Variants in LSAMP observed in about 807,000 individuals in gnomAD.
LSAMP encodes limbic system-associated membrane protein.
A neutral mutation model predicts 38.6 loss-of-function variants in LSAMP; 7 were observed. The ratio of observed to expected loss-of-function variants is 0.18; its 90% CI spans 0.10 to 0.34. The LOEUF is 0.34. LSAMP is among the 10% of genes least tolerant of loss of function. LSAMP has a pLI of 1.00. For missense variants in LSAMP, 313 were observed against 420.0 expected, an observed-to-expected ratio of 0.75 and a Z score of 2.23; for synonymous variants, 154 against 166.8, an observed-to-expected ratio of 0.92 and a Z score of 0.59.
chr3:116,269,639 T>C (rs986150644), intron 1 of LSAMP, among the ~76,000 whole-genome samples: 2 of 152,210 alleles, frequency 1.3e-5, no homozygotes, highest in African/African-American at 4.8e-5. Context: ...TAATTTATCA[T>C]CCAAACCAGG....
At chr3:115,841,792 T>C in intron 6 of LSAMP, 53 bp downstream of exon 6, 2 of 1,539,786 alleles carry the variant, frequency 1.3e-6, no homozygotes, top group Non-Finnish European at 8.7e-7. Flanking sequence ...ACGTTTTTCA[T>C]GTGAAAAGTC....
intron 1 of LSAMP, among the ~76,000 whole-genome samples, chr3:116,211,007 A>G (rs1486798417): frequency 2.0e-5 from 3 of 152,142 alleles, no homozygotes; most frequent in African/African-American, 7.2e-5. Context: ...ACCTTAAAAA[A>G]AAAAAAACAA....
rs985963496 is a variant in LSAMP at position 116,117,661 on chromosome 3, G to C, written c.156-31105C>G. On this transcript the variant is annotated intron_variant, in intron 1 of 6. Coordinates refer to ENST00000490035, the MANE Select transcript of LSAMP (RefSeq NM_002338.5). ...TTTTATGTTTTTGATAACTTTGATA[G>C]TTTTGAGGAGATGTGGTCAAGTATT... Among the ~76,000 whole-genome samples, 4 of 152,158 alleles carry C rather than the reference G, an allele frequency of 2.6e-5. No homozygotes were observed. In the South Asian group the frequency reaches 8.3e-4, roughly 32 times the overall value.
chr3:116,320,100 T>C (rs2047687689), intron 1 of LSAMP, among the ~76,000 whole-genome samples: 1 of 152,186 alleles, frequency 6.6e-6, no homozygotes, highest in Non-Finnish European at 1.5e-5. Flanking sequence ...GCATTTTCAA[T>C]GTTGCAGCCT....
At chr3:115,838,888 A>G (rs796492698) in intron 6 of LSAMP, among the ~76,000 whole-genome samples, 5 of 152,314 alleles carry the variant, frequency 3.3e-5, no homozygotes, top group African/African-American at 1.2e-4. Context: ...TGACACACCA[A>G]TGAAGATGAA....
chr3:116,424,926 A>G (rs2049174890), intron 1 of LSAMP, among the ~76,000 whole-genome samples: 1 of 151,762 alleles, frequency 6.6e-6, no homozygotes, highest in Non-Finnish European at 1.5e-5. Context: ...AGCTTTATTG[A>G]TAGGAAAGGA....
At chr3:116,092,545 TA>T (rs1432752029) in intron 1 of LSAMP, among the ~76,000 whole-genome samples, 2 of 152,168 alleles carry the variant, frequency 1.3e-5, no homozygotes, top group Non-Finnish European at 2.9e-5. Context: ...TTAGGAAAGG[TA>T]AGCACACAAA....
At chr3:115,819,662 A>G (rs1176402111) in intron 6 of LSAMP, among the ~76,000 whole-genome samples, 1 of 152,230 alleles carries the variant, frequency 6.6e-6, no homozygotes, top group Non-Finnish European at 1.5e-5. Context: ...TGTGAAGCTA[A>G]TATCAGAAAA....
chr3:115,827,693 G>C (rs1371778238), intron 6 of LSAMP, among the ~76,000 whole-genome samples: 1 of 152,132 alleles, frequency 6.6e-6, no homozygotes, highest in South Asian at 2.1e-4. Context: ...TGACTTGTAA[G>C]GTCTCTTCCC....
intron 2 of LSAMP, among the ~76,000 whole-genome samples, chr3:116,033,554 A>C (rs1274686512): frequency 2.6e-5 from 4 of 152,062 alleles, no homozygotes; most frequent in African/African-American, 9.7e-5. Flanking sequence ...AACACGCACA[A>C]CACCTGTGTT....
intron 6 of LSAMP, among the ~76,000 whole-genome samples, chr3:115,839,803 G>T (rs78392723): frequency 0.051 from 7,834 of 152,208 alleles, 234 homozygotes; most frequent in African/African-American, 0.074. Flanking sequence ...ATAATGGAGG[G>T]TGACTTCTAC....
At chr3:115,926,798 C>T (rs1937507968) in intron 3 of LSAMP, among the ~76,000 whole-genome samples, 2 of 152,202 alleles carry the variant, frequency 1.3e-5, no homozygotes, top group African/African-American at 2.4e-5. Context: ...GAAAGTTTTA[C>T]TCCCTCACTT....
chr3:116,349,364 G>A (rs116509225), intron 1 of LSAMP, among the ~76,000 whole-genome samples: 10,453 of 151,760 alleles, frequency 0.069, 369 homozygotes, highest in Non-Finnish European at 0.08. Context: ...TATTAGATAT[G>A]TGTCTATTCT....
intron 2 of LSAMP, among the ~76,000 whole-genome samples, chr3:116,042,940 C>T (rs1276892266): frequency 6.6e-6 from 1 of 152,150 alleles, no homozygotes; most frequent in African/African-American, 2.4e-5. Context: ...TTTTTTATCG[C>T]TCAATCTATC....
chr3:115,898,687 C>A (rs1460901162), intron 3 of LSAMP, among the ~76,000 whole-genome samples: 3 of 151,142 alleles, frequency 2.0e-5, no homozygotes, highest in Non-Finnish European at 4.4e-5. Context: ...CACCTAGTAC[C>A]CAGCCAATGG....
At chr3:115,830,491 A>G (rs753825089) in intron 6 of LSAMP, among the ~76,000 whole-genome samples, 2 of 152,152 alleles carry the variant, frequency 1.3e-5, no homozygotes, top group Non-Finnish European at 2.9e-5. Context: ...GTGTCCTTTG[A>G]TCATTAAAAA....
intron 1 of LSAMP, among the ~76,000 whole-genome samples, chr3:116,429,717 G>C (rs1157759360): frequency 6.6e-6 from 1 of 152,132 alleles, no homozygotes; most frequent in Non-Finnish European, 1.5e-5. Context: ...TTCAGAGGGA[G>C]CAAAAATTGC....
chr3:116,104,894 A>G (rs1345820011), intron 1 of LSAMP, among the ~76,000 whole-genome samples: 1 of 152,212 alleles, frequency 6.6e-6, no homozygotes, highest in Non-Finnish European at 1.5e-5. Flanking sequence ...GAATTTTTCT[A>G]GACTTATCAC....
chr3:116,231,744 G>A lies in LSAMP; in HGVS notation c.156-145188C>T, dbSNP rs930674957. On this transcript the variant is annotated intron_variant, in intron 1 of 6. Coordinates refer to ENST00000490035, the MANE Select transcript of LSAMP (RefSeq NM_002338.5). ...CTGAGGAAATGAGTAATGACTTCAC[G>A]GAGAGAATGAACCCAAGTAAGAAAA... Among the ~76,000 whole-genome samples, 9 of 152,120 alleles carry A rather than the reference G, an allele frequency of 5.9e-5. No homozygotes were observed. In the South Asian group the frequency reaches 1.0e-3, roughly 18 times the overall value.
Sources: gnomAD v4.1 joint callset for allele counts (sites outside exome capture counted in the v4.1 genomes callset) on GRCh38, gnomAD v4.1.1 for gene constraint, MANE v1.5 for transcripts, NCBI Gene and HGNC (gene_info 2026-07-23, HGNC 2026-07-21) for gene names.